EVL: variants seen among roughly 807,000 people sequenced by gnomAD.
The protein encoded by EVL is ena/VASP-like protein.
In EVL, 21 loss-of-function variants were observed where a neutral mutation model predicts 59.6. That is an observed-to-expected ratio of 0.35 (90% CI 0.25 to 0.51). The LOEUF (loss-of-function observed/expected upper bound fraction) is 0.51, where lower values mean the gene tolerates loss of function less well. Ranked by LOEUF, EVL falls within the 20% of genes least tolerant of loss-of-function variation. EVL has a pLI of 0.97. For missense variants in EVL, 462 were observed against 546.6 expected, an observed-to-expected ratio of 0.85 and a Z score of 1.54; for synonymous variants, 198 against 203.5, an observed-to-expected ratio of 0.97 and a Z score of 0.23.
chr14:100,144,005 G>A lies in EVL; in HGVS notation c.*267G>A. The stretch of plus-strand genomic sequence containing the variant: ...TGCTTATTTAAGGTACATTTCTTTG[G>A]GTTTCTAGAGACGCCCCTAAGTCAC... On this transcript the variant is annotated 3_prime_UTR_variant, in exon 14 of 14. Coordinates refer to ENST00000392920, the MANE Select transcript of EVL (RefSeq NM_016337.3). 5.9e-6 allele frequency: 3 copies of A among 510,048 alleles called. No individual in the cohort carries two copies. The South Asian group carries it at 8.4e-5, about 14-fold the overall frequency. The allele number at this position is 510,048 out of a possible 1,614,324, so 31.6% of individuals were successfully genotyped here.
intron 2 of EVL, among the ~76,000 whole-genome samples, chr14:100,090,451 A>C (rs1201002713): frequency 6.6e-6 from 1 of 152,374 alleles, no homozygotes; most frequent in East Asian, 1.9e-4. Context: ...GTCTTCTTAC[A>C]ACCATGCTGT....
intron 3 of EVL, among the ~76,000 whole-genome samples, chr14:100,118,003 A>G (rs1412233442): frequency 6.6e-6 from 1 of 152,240 alleles, no homozygotes; most frequent in Non-Finnish European, 1.5e-5. Context: ...AACTATGGTA[A>G]GTACTGGGAA....
At chr14:100,044,349 CT>C (rs949049970) in intron 1 of EVL, among the ~76,000 whole-genome samples, 4 of 152,164 alleles carry the variant, frequency 2.6e-5, no homozygotes, top group African/African-American at 9.7e-5. Context: ...AATATTTTAA[CT>C]TTCACAACAC....
At chr14:100,142,026 C>T (rs540484521) in intron 13 of EVL, 7 of 420,628 alleles carry the variant, frequency 1.7e-5, no homozygotes, top group African/African-American at 1.2e-4. Flanking sequence ...CCGAATCTGA[C>T]CTTCCACATC....
rs561825165 is a variant in EVL at position 100,000,197 on chromosome 14, C to G, written c.5+28140C>G. 7.9e-5 allele frequency among the ~76,000 whole-genome samples: 12 copies of G among 152,296 alleles called. No individual in the cohort carries two copies. In the East Asian group the frequency reaches 2.1e-3, roughly 27 times the overall value. On this transcript the variant is annotated intron_variant, in intron 1 of 13. Coordinates refer to the EVL transcript ENST00000402714. ...TGTGCCCAAGGTGGTCAGGGCACAA[C>G]TTGGTTTTATACATTTTAGGGAGAC... is the stretch of plus-strand genomic sequence containing the variant.
At chr14:100,086,731 C>A (rs1456438333) in intron 2 of EVL, among the ~76,000 whole-genome samples, 1 of 152,206 alleles carries the variant, frequency 6.6e-6, no homozygotes, top group Non-Finnish European at 1.5e-5. Context: ...ATTTGGAGGG[C>A]TGTGTTGATT....
chr14:99,986,314 C>CAAAAAAAA (rs2060840149), intron 1 of EVL, among the ~76,000 whole-genome samples: 3 of 133,292 alleles, frequency 2.3e-5, no homozygotes, highest in African/African-American at 5.9e-5. Context: ...AAAAAAAAAT[C>CAAAAAAAA]AAATGTATCC....
At chr14:100,049,997 G>A (rs1873489303) in intron 1 of EVL, among the ~76,000 whole-genome samples, 1 of 152,176 alleles carries the variant, frequency 6.6e-6, no homozygotes, top group Non-Finnish European at 1.5e-5. Context: ...GAGACATTAA[G>A]TTGCACACAT....
At chr14:100,014,492 A>G (rs1236947438) in intron 1 of EVL, among the ~76,000 whole-genome samples, 4 of 152,164 alleles carry the variant, frequency 2.6e-5, no homozygotes, top group Non-Finnish European at 5.9e-5. Flanking sequence ...ATAGTACTCC[A>G]CTGTGTATAT....
intron 1 of EVL, among the ~76,000 whole-genome samples, chr14:100,013,861 A>G (rs914571207): frequency 6.6e-5 from 10 of 152,220 alleles, no homozygotes; most frequent in African/African-American, 2.4e-4. Flanking sequence ...GCAGACAGTA[A>G]AAAAGAATGG....
Position 100,084,864 on chromosome 14 carries a change from T to C in EVL, c.180+9T>C. ...AGTTGCAGGATCAGCAGGTCAGTGC[T>C]GGAATTACAGATTATACCCGTGAGC... On this transcript the variant is annotated intron_variant, in intron 2 of 13. Coordinates refer to ENST00000392920, the MANE Select transcript of EVL (RefSeq NM_016337.3). The C allele has an allele frequency of 6.2e-7, 1 of 1,613,908 alleles. No homozygotes were observed. The highest frequency in any genetic ancestry group is 1.1e-5 in the South Asian group (1 of 91,080).
At chr14:100,137,971 G>A (rs999206580) in intron 11 of EVL, 169 bp downstream of exon 11, 1 of 650,122 alleles carries the variant, frequency 1.5e-6, no homozygotes, top group African/African-American at 1.8e-5. Flanking sequence ...CTGTCAGTCA[G>A]CTGCTCCGTC....
chr14:99,973,691 G>A (rs1202137090), intron 1 of EVL, among the ~76,000 whole-genome samples: 4 of 152,204 alleles, frequency 2.6e-5, no homozygotes, highest in Non-Finnish European at 5.9e-5. Context: ...TCGAACTCCT[G>A]ACCTCAGGTG....
At chr14:100,137,900 G>A (rs1170527336) in intron 11 of EVL, 98 bp downstream of exon 11, 3 of 1,242,932 alleles carry the variant, frequency 2.4e-6, no homozygotes, top group Non-Finnish European at 3.5e-6. Context: ...CTCACGTCCT[G>A]GCATTTAACA....
At chr14:100,125,607 G>A (rs1888024613) in intron 4 of EVL, among the ~76,000 whole-genome samples, 1 of 151,612 alleles carries the variant, frequency 6.6e-6, no homozygotes, top group Non-Finnish European at 1.5e-5. Flanking sequence ...CCGGGCTGGA[G>A]TGTAGTGACG....
At chr14:100,078,636 A>G (rs1385338618) in intron 1 of EVL, among the ~76,000 whole-genome samples, 1 of 152,130 alleles carries the variant, frequency 6.6e-6, no homozygotes, top group African/African-American at 2.4e-5. Flanking sequence ...TGGGTGGGGA[A>G]CAGCAGGAAG....
chr14:100,103,678 A>G (rs1381774711), intron 3 of EVL, among the ~76,000 whole-genome samples: 1 of 151,940 alleles, frequency 6.6e-6, no homozygotes, highest in African/African-American at 2.4e-5. Context: ...CCCCATTGCC[A>G]TTCACCACTT....
In EVL at chr14:100,018,621, G is replaced by A. The variant is rs529548593; in HGVS notation, c.5+46564G>A. Among the ~76,000 whole-genome samples the A allele has an allele frequency of 1.6e-4, 25 of 152,278 alleles. No homozygotes were observed. In the South Asian group the frequency reaches 2.3e-3, roughly 14 times the overall value. On this transcript the variant is annotated intron_variant, in intron 1 of 13. Transcript: ENST00000402714. ...GAGGGCACACCCAGGCTGCGTGAGC[G>A]GGTGAGGGGAAAGGGGCAGCTTCAG... is the stretch of plus-strand genomic sequence containing the variant.
chr14:100,036,959 T>C (rs987022963), intron 1 of EVL, among the ~76,000 whole-genome samples: 4 of 152,136 alleles, frequency 2.6e-5, no homozygotes, highest in Non-Finnish European at 5.9e-5. Context: ...ACATGAGGGA[T>C]GCTCATGCTC....
Sources: allele counts gnomAD v4.1 joint callset (sites outside exome capture counted in the v4.1 genomes callset), GRCh38; gene constraint gnomAD v4.1.1; transcripts MANE v1.5; gene names NCBI Gene and HGNC (gene_info 2026-07-23, HGNC 2026-07-21).